Variants in BOK observed in about 807,000 individuals in gnomAD.
BOK encodes the protein BCL2 family apoptosis regulator BOK.
A neutral mutation model predicts 18.3 loss-of-function variants in BOK; 20 were observed. The ratio of observed to expected loss-of-function variants is 1.09; its 90% CI spans 0.77 to 1.59. BOK has a LOEUF of 1.59. Among genes scored for constraint, BOK ranks in the 40% most tolerant of loss-of-function variants. The pLI is 0.00. For missense variants in BOK, 348 were observed against 307.9 expected, an observed-to-expected ratio of 1.13 and a Z score of -0.97; for synonymous variants, 173 against 142.4, an observed-to-expected ratio of 1.21 and a Z score of -1.53.
chr2:241,566,276 C>T lies in BOK; in HGVS notation c.349+3800C>T, dbSNP rs190954659. ...TCCAGCCTGGGTGACAGAGGCAGAC[C>T]CTATTCTTTCTTTTTTTTCTTTTTT... On this transcript the variant is annotated intron_variant, in intron 3 of 4. Transcript: ENST00000318407. Among the ~76,000 whole-genome samples the T allele has an allele frequency of 2.7e-4, 41 of 149,504 alleles. 2 individuals are homozygous for T. Among genetic ancestry groups the T allele is most frequent in the Admixed American group, 8.8e-4 (13 of 14,752 alleles).
Position 241,559,441 on chromosome 2 carries a change from G to A in BOK, c.-29-14G>A. 7.3e-7 allele frequency: 1 copy of A among 1,377,642 alleles called. No individual in the cohort carries two copies. The highest frequency in any genetic ancestry group is 9.4e-7 in the Non-Finnish European group (1 of 1,067,712). The allele number at this position is 1,377,642 out of a possible 1,614,324, so 85.3% of individuals were successfully genotyped here. On this transcript the variant is annotated splice_polypyrimidine_tract_variant and intron_variant, in intron 1 of 4. Coordinates refer to ENST00000318407, the MANE Select transcript of BOK (RefSeq NM_032515.5). Reference sequence around the variant, plus strand: ...GCCGCCTCCCTCCACCCGGCTGAGCGCTTGTGCCCGCAGGTGCGGCGCCCC... The same window carrying A: ...GCCGCCTCCCTCCACCCGGCTGAGCACTTGTGCCCGCAGGTGCGGCGCCCC...
chr2:241,563,441 G>A (rs780698238), intron 3 of BOK, among the ~76,000 whole-genome samples: 3 of 152,170 alleles, frequency 2.0e-5, no homozygotes, highest in Non-Finnish European at 2.9e-5. Context: ...GTGGTGCGCC[G>A]GCCCTGATGT....
chr2:241,564,581 G>C (rs755478486), intron 3 of BOK, among the ~76,000 whole-genome samples: 1 of 152,110 alleles, frequency 6.6e-6, no homozygotes, highest in Admixed American at 6.5e-5. Context: ...GGGTGGGCAG[G>C]GGGCAGGGTT....
At chr2:241,565,352 T>G (rs2066594903) in intron 3 of BOK, among the ~76,000 whole-genome samples, 1 of 152,084 alleles carries the variant, frequency 6.6e-6, no homozygotes, top group South Asian at 2.1e-4. Flanking sequence ...TGAACCTCCC[T>G]GAACCAGAGC....
At chr2:241,563,078 G>T (rs973539401) in intron 3 of BOK, among the ~76,000 whole-genome samples, 1 of 152,170 alleles carries the variant, frequency 6.6e-6, no homozygotes, top group Non-Finnish European at 1.5e-5. Context: ...CATCTCACCT[G>T]GCTGTGCCTG....
At chr2:241,557,519 C>A (rs1397302886), upstream of BOK, among the ~76,000 whole-genome samples, 1 of 151,996 alleles carries the variant, frequency 6.6e-6, no homozygotes, top group African/African-American at 2.4e-5. Flanking sequence ...ACCATTTTGA[C>A]CCGGCTGGTC....
At position 241,559,624 on chromosome 2, in the gene BOK, C is replaced by T. The variant is rs1260518313; in HGVS notation, c.141C>T (p.Gly47=). Residue 47 remains glycine, a synonymous_variant, in exon 2 of 5, where the codon GGC becomes GGT. Transcript: ENST00000318407. The part of the protein sequence containing the change: ...EYVHARLLRA[G]LSWSAPERAA... ...TGCACGCGCGGCTGCTGCGCGCCGG[C>T]CTCTCCTGGAGCGCGCCCGAGCGTG... The T allele has an allele frequency of 7.5e-6, 11 of 1,467,874 alleles. No homozygotes were observed. Among genetic ancestry groups the T allele is most frequent in the Admixed American group, 4.9e-5 (2 of 40,632 alleles). 90.9% of individuals were successfully genotyped at this position (1,467,874 alleles called of 1,614,324 possible).
intron 3 of BOK, among the ~76,000 whole-genome samples, chr2:241,569,149 G>A (rs901637743): frequency 6.6e-6 from 1 of 152,198 alleles, no homozygotes; most frequent in Non-Finnish European, 1.5e-5. Flanking sequence ...TATTTATTTA[G>A]AGACGGGGTC....
intron 4 of BOK, among the ~76,000 whole-genome samples, chr2:241,571,871 T>C (rs911986290): frequency 1.3e-5 from 2 of 152,234 alleles, no homozygotes; most frequent in African/African-American, 4.8e-5. Context: ...GTTTGCCCCT[T>C]CCTGGTAGCC....
rs901369027 is a variant in BOK at position 241,559,575 on chromosome 2, C to G, written c.92C>G (p.Ala31Gly). 4.6e-6 allele frequency: 7 copies of G among 1,523,572 alleles called. No individual in the cohort carries two copies. The highest frequency in any genetic ancestry group is 1.7e-4 in the Middle Eastern group (1 of 5,860). The allele number at this position is 1,523,572 out of a possible 1,614,324, so 94.4% of individuals were successfully genotyped here. Residue 31 changes from alanine (A) to glycine (G), a missense_variant, in exon 2 of 5, where the codon GCC (alanine) becomes GGC (glycine). Ala to Gly is a moderately conservative substitution (Grantham distance 60). Transcript: ENST00000318407. ...ACAGACAAGGAGCTGGTGGCCCAGGCCAAGGCGCTGGGCCGGGAGTACGTG... is the reference window on the plus strand; with the variant it reads ...ACAGACAAGGAGCTGGTGGCCCAGGGCAAGGCGCTGGGCCGGGAGTACGTG... ...SPTDKELVAQ[A>G]KALGREYVHA...
At chr2:241,569,001 C>G (rs548745588) in intron 3 of BOK, among the ~76,000 whole-genome samples, 1 of 152,258 alleles carries the variant, frequency 6.6e-6, no homozygotes, top group African/African-American at 2.4e-5. Flanking sequence ...TAACTCCCTG[C>G]GGGGATCACT....
rs143016921 is a variant in BOK, at chr2:241,564,402, C to A, written c.349+1926C>A. On this transcript the variant is annotated intron_variant, in intron 3 of 4. Coordinates refer to ENST00000318407, the MANE Select transcript of BOK (RefSeq NM_032515.5). Reference sequence around the variant, plus strand: ...CTGCTCCTGTGTTCCTTTGGGAGATCGTAAATGAATCCTCATTGGCAGTTT... The same window carrying A: ...CTGCTCCTGTGTTCCTTTGGGAGATAGTAAATGAATCCTCATTGGCAGTTT... 3.3e-3 allele frequency among the ~76,000 whole-genome samples: 507 copies of A among 152,276 alleles called. 2 individuals carry two copies. The highest frequency in any genetic ancestry group is 5.9e-3 in the Non-Finnish European group (398 of 68,026).
upstream of BOK, among the ~76,000 whole-genome samples, chr2:241,556,695 C>G (rs563957013): frequency 6.6e-6 from 1 of 151,830 alleles, no homozygotes; most frequent in Non-Finnish European, 1.5e-5. Flanking sequence ...AGTTCCATAG[C>G]TTTCCTAGCT....
chr2:241,570,465 G>A (rs1258728848), intron 4 of BOK, among the ~76,000 whole-genome samples, 177 bp downstream of exon 4: 1 of 73,518 alleles, frequency 1.4e-5, no homozygotes, highest in Admixed American at 1.4e-4. Context: ...CGCCTGGGGG[G>A]TGGGAGAGCT....
chr2:241,569,465 T>C (rs1202605203), intron 3 of BOK, among the ~76,000 whole-genome samples: 1 of 152,234 alleles, frequency 6.6e-6, no homozygotes, highest in Non-Finnish European at 1.5e-5. Context: ...ACATTTTGTT[T>C]TAATTTGCCT....
Position 241,562,325 on chromosome 2 carries a change from C to T in BOK, c.221-23C>T. On this transcript the variant is annotated intron_variant, in intron 2 of 4. Coordinates refer to ENST00000318407, the MANE Select transcript of BOK (RefSeq NM_032515.5). The surrounding 1 kb of genome is among the most constrained non-coding windows in gnomAD (Gnocchi z 4.5). ...GGAAGCTGGGACGTGGGCTGCCTCT[C>T]ACCTGCTCTTGTGACCACACAGGCG... 1 of 1,577,768 alleles carries T rather than the reference C, an allele frequency of 6.3e-7. No homozygotes were observed. The highest frequency in any genetic ancestry group is 8.6e-7 in the Non-Finnish European group (1 of 1,161,950).
chr2:241,564,788 AC>A (rs980787246), intron 3 of BOK, among the ~76,000 whole-genome samples: 2 of 151,426 alleles, frequency 1.3e-5, no homozygotes, highest in African/African-American at 4.9e-5. Flanking sequence ...GTGGGTGGCC[AC>A]CCGGGTGTCT....
intron 3 of BOK, among the ~76,000 whole-genome samples, chr2:241,564,015 G>T (rs969725332): frequency 6.6e-6 from 1 of 152,170 alleles, no homozygotes; most frequent in Non-Finnish European, 1.5e-5. Flanking sequence ...TGACACCCTC[G>T]GCTGGAGGCC....
At chr2:241,572,255 G>GTGCTGGCTC (rs774854848) in intron 4 of BOK, 42 bp from the exon 5 acceptor site, 73 of 1,597,746 alleles carry the variant, frequency 4.6e-5, no homozygotes, top group Admixed American at 1.7e-4. Context: ...GGGCCTGGCG[G>GTGCTGGCTC]TGCTGGCTCT....
Sources: gnomAD v4.1 joint callset for allele counts (sites outside exome capture counted in the v4.1 genomes callset) on GRCh38, gnomAD v4.1.1 for gene constraint, Gnocchi (gnomAD v3.1) non-coding constraint, MANE v1.5 for transcripts, NCBI Gene and HGNC (gene_info 2026-07-23, HGNC 2026-07-21) for gene names.